EBF2: variants seen among roughly 807,000 people sequenced by gnomAD.
EBF2 encodes transcription factor COE2.
A neutral mutation model predicts 72.8 loss-of-function variants in EBF2; 21 were observed. That is an observed-to-expected ratio of 0.29 (90% CI 0.20 to 0.42). EBF2 has a LOEUF of 0.42. Ranked by LOEUF, EBF2 falls within the 10% of genes least tolerant of loss-of-function variation. EBF2 has a pLI of 1.00. For synonymous variants in EBF2, 299 were observed against 274.2 expected, an observed-to-expected ratio of 1.09 and a Z score of -0.89; for missense variants, 637 against 731.2, an observed-to-expected ratio of 0.87 and a Z score of 1.49.
At chr8:25,881,123 C>A (rs1032968669) in intron 10 of EBF2, among the ~76,000 whole-genome samples, 1 of 152,206 alleles carries the variant, frequency 6.6e-6, no homozygotes, top group Non-Finnish European at 1.5e-5. Context: ...GACCTCCCTG[C>A]ATCCAACCTG....
In EBF2 at chr8:25,979,899, T is replaced by C. The variant is rs574063271; in HGVS notation, c.551+53186A>G. ...TTAAACAATAACACCCACCCAACCA[T>C]CCCCTCCCCCTTTTAGCAAAAAAAA... On this transcript the variant is annotated intron_variant, in intron 6 of 15. Coordinates refer to ENST00000520164, the MANE Select transcript of EBF2 (RefSeq NM_022659.4). 4.6e-5 allele frequency among the ~76,000 whole-genome samples: 7 copies of C among 151,082 alleles called. No homozygotes were observed. The East Asian group carries it at 1.4e-3, about 29-fold the overall frequency.
At chr8:25,985,018 G>A (rs564953705) in intron 6 of EBF2, among the ~76,000 whole-genome samples, 18 of 152,072 alleles carry the variant, frequency 1.2e-4, no homozygotes, top group Non-Finnish European at 2.1e-4. Flanking sequence ...CTTAGGGACC[G>A]TAAACTCTGC....
chr8:25,951,021 C>T (rs1201172685), intron 6 of EBF2, among the ~76,000 whole-genome samples: 1 of 152,192 alleles, frequency 6.6e-6, no homozygotes, highest in East Asian at 1.9e-4. Context: ...AATAAAATCT[C>T]TGTATAGCTT....
chr8:26,005,270 T>A (rs1347455083), intron 6 of EBF2, among the ~76,000 whole-genome samples: 1 of 1,420 alleles, frequency 7.0e-4, no homozygotes, highest in African/African-American at 2.4e-3. Flanking sequence ...TAATATATAA[T>A]ATATATAATT....
chr8:25,986,006 A>AAAAAAAAAAAAAAAAAC, intron 6 of EBF2, among the ~76,000 whole-genome samples: 1 of 140,978 alleles, frequency 7.1e-6, no homozygotes, highest in Non-Finnish European at 1.5e-5. Flanking sequence ...TGTCTCAAAA[A>AAAAAAAAAAAAAAAAAC]AAAAAAAAAA....
rs10086613 is a variant in EBF2, at chr8:25,998,041, T to C, written c.551+35044A>G. Among the ~76,000 whole-genome samples, 607 of 152,314 alleles carry C rather than the reference T, an allele frequency of 4.0e-3. 7 individuals carry two copies. Among genetic ancestry groups the C allele is most frequent in the African/African-American group, 0.014 (569 of 41,570 alleles). On this transcript the variant is annotated intron_variant, in intron 6 of 15. Transcript: ENST00000520164. ...ACTTTTAACTTATCCCTCTTGCTCTTTGGCAAACAAAATAGACTAAAAAAT... is the reference window on the plus strand; with the variant it reads ...ACTTTTAACTTATCCCTCTTGCTCTCTGGCAAACAAAATAGACTAAAAAAT...
intron 11 of EBF2, among the ~76,000 whole-genome samples, chr8:25,861,769 G>A (rs1238591512): frequency 1.3e-5 from 2 of 152,178 alleles, no homozygotes; most frequent in Non-Finnish European, 2.9e-5. Context: ...GAGTTTAGCT[G>A]CTTGCCAAGG....
chr8:25,948,367 T>A (rs974958503), intron 6 of EBF2, among the ~76,000 whole-genome samples: 1 of 152,174 alleles, frequency 6.6e-6, no homozygotes, highest in Non-Finnish European at 1.5e-5. Context: ...TGAGCTTAGG[T>A]GATGCCTCTC....
At chr8:25,846,242 T>G (rs1467696157) in intron 15 of EBF2, among the ~76,000 whole-genome samples, 1 of 152,202 alleles carries the variant, frequency 6.6e-6, no homozygotes, top group African/African-American at 2.4e-5. Flanking sequence ...TATTTTATTT[T>G]TTTTTTCCTG....
At chr8:25,915,606 T>C (rs1381190701) in intron 6 of EBF2, among the ~76,000 whole-genome samples, 1 of 78,550 alleles carries the variant, frequency 1.3e-5, no homozygotes, top group East Asian at 4.0e-4. Context: ...TTCAGCCTTT[T>C]GGAAAAAAAA....
intron 6 of EBF2, among the ~76,000 whole-genome samples, chr8:25,962,768 G>A (rs1804055063): frequency 6.6e-6 from 1 of 152,190 alleles, no homozygotes; most frequent in Non-Finnish European, 1.5e-5. Flanking sequence ...AGTCAGATGT[G>A]ACATGGTGTC....
At chr8:26,023,062 T>C (rs1475172845) in intron 6 of EBF2, among the ~76,000 whole-genome samples, 1 of 152,204 alleles carries the variant, frequency 6.6e-6, no homozygotes, top group Non-Finnish European at 1.5e-5. Context: ...CTCCTTGGTA[T>C]ATAGGTCTCA....
intron 6 of EBF2, among the ~76,000 whole-genome samples, chr8:26,002,860 AGGCGGGCAGGCGGGCAGGCGGGCAGGCG>A (rs1563204629): frequency 9.4e-4 from 84 of 89,406 alleles, no homozygotes; most frequent in African/African-American, 2.4e-3. Flanking sequence ...GCAGGCGGGC[AGGCGGGCAGGCGGGCAGGCGGGCAGGCG>A]GGCAGGCAGG....
chr8:25,923,917 C>A (rs1177335646), intron 6 of EBF2, among the ~76,000 whole-genome samples: 1 of 134,410 alleles, frequency 7.4e-6, no homozygotes, highest in Non-Finnish European at 1.7e-5. Context: ...TTAACCTGGG[C>A]TGAATGTTTA....
intron 6 of EBF2, among the ~76,000 whole-genome samples, chr8:26,003,731 G>A (rs1161050376): frequency 6.6e-6 from 1 of 152,178 alleles, no homozygotes; most frequent in Non-Finnish European, 1.5e-5. Context: ...GATCCCTGGG[G>A]AAGAGGTGAC....
intron 7 of EBF2, among the ~76,000 whole-genome samples, chr8:25,902,411 T>C (rs890277048): frequency 2.6e-5 from 4 of 152,214 alleles, no homozygotes; most frequent in African/African-American, 7.2e-5. Flanking sequence ...GCATGACCCA[T>C]GGATTTAGAT....
At chr8:25,989,157 T>C (rs1300361429) in intron 6 of EBF2, among the ~76,000 whole-genome samples, 1 of 152,164 alleles carries the variant, frequency 6.6e-6, no homozygotes, top group Non-Finnish European at 1.5e-5. Context: ...CCCTAGAAGG[T>C]TATTACAGGC....
intron 6 of EBF2, among the ~76,000 whole-genome samples, chr8:25,928,525 T>C (rs1006101710): frequency 1.3e-5 from 2 of 152,108 alleles, no homozygotes; most frequent in African/African-American, 2.4e-5. Flanking sequence ...TTATTGTCAA[T>C]AGCTGTACCA....
intron 6 of EBF2, among the ~76,000 whole-genome samples, chr8:25,998,275 A>C (rs1804669270): frequency 6.6e-6 from 1 of 152,176 alleles, no homozygotes; most frequent in African/African-American, 2.4e-5. Context: ...AGGGAAAACA[A>C]GAGAAGTCAC....
Sources: allele counts gnomAD v4.1 joint callset (sites outside exome capture counted in the v4.1 genomes callset), GRCh38; gene constraint gnomAD v4.1.1; transcripts MANE v1.5; gene names NCBI Gene and HGNC (gene_info 2026-07-23, HGNC 2026-07-21).